VAPB: variants seen among roughly 807,000 people sequenced by gnomAD.
The protein encoded by VAPB is VAMP associated protein B and C.
In VAPB, 7 loss-of-function variants were observed where a neutral mutation model predicts 25.6. The observed-to-expected ratio is 0.27, with a 90% confidence interval of 0.16 to 0.51. The LOEUF (loss-of-function observed/expected upper bound fraction) is 0.51, where lower values mean the gene tolerates loss of function less well. Among genes scored for constraint, VAPB ranks in the 20% least tolerant of loss-of-function variants. The pLI is 0.97. For synonymous variants in VAPB, 112 were observed against 109.2 expected, an observed-to-expected ratio of 1.03 and a Z score of -0.16; for missense variants, 266 against 301.3, an observed-to-expected ratio of 0.88 and a Z score of 0.87.
At chr20:58,393,204 AT>A (rs1568695693) in intron 1 of VAPB, among the ~76,000 whole-genome samples, 4 of 151,866 alleles carry the variant, frequency 2.6e-5, no homozygotes, top group Admixed American at 2.6e-4. Flanking sequence ...TAATTTTTAA[AT>A]TTTTTTGTAA....
intron 2 of VAPB, among the ~76,000 whole-genome samples, chr20:58,424,847 A>G (rs1988752160): frequency 1.3e-5 from 2 of 152,246 alleles, no homozygotes; most frequent in Admixed American, 6.5e-5. Context: ...AAAATCCTGT[A>G]GAGAACACAA....
At position 58,450,728 on chromosome 20, in the gene VAPB, T is replaced by TC. The variant is rs1425986299; in HGVS notation, c.*6493_*6494insC. ...TTATAGTCTTCAATGTATGTTAACA[T>TC]GTTAGGAACTGAGTATCTTAAGAGA... On this transcript the variant is annotated 3_prime_UTR_variant, in exon 6 of 6. Transcript: ENST00000475243. 2.2e-6 allele frequency: 1 copy of TC among 453,834 alleles called. No homozygotes were observed. Among genetic ancestry groups the TC allele is most frequent in the East Asian group, 6.9e-5 (1 of 14,400 alleles). 28.1% of individuals were successfully genotyped at this position (453,834 alleles called of 1,614,324 possible).
In VAPB at chr20:58,448,059, A is replaced by G. The variant is rs549976269; in HGVS notation, c.*3824A>G. On this transcript the variant is annotated 3_prime_UTR_variant, in exon 6 of 6. Transcript: ENST00000475243. Reference sequence around the variant, plus strand: ...GAAGGAGAAAGAACCAAACTGAACTATGAAAAGTTACCACTCTGAGGAGAC... The same window carrying G: ...GAAGGAGAAAGAACCAAACTGAACTGTGAAAAGTTACCACTCTGAGGAGAC... The G allele has an allele frequency of 2.6e-5, 12 of 453,888 alleles. No individual in the cohort carries two copies. The highest frequency in any genetic ancestry group is 1.0e-4 in the African/African-American group (5 of 50,046). 28.1% of individuals were successfully genotyped at this position (453,888 alleles called of 1,614,324 possible). A position where few individuals can be genotyped will look rare whatever the true frequency, so the allele number is the denominator to read the frequency against.
chr20:58,435,493 G>A (rs1351272275), intron 3 of VAPB, among the ~76,000 whole-genome samples: 1 of 152,108 alleles, frequency 6.6e-6, no homozygotes, highest in Admixed American at 6.5e-5. Context: ...TCCAGTTTTG[G>A]CCCGCCCAAA....
intron 2 of VAPB, among the ~76,000 whole-genome samples, chr20:58,434,082 C>A (rs986313523): frequency 6.6e-6 from 1 of 152,012 alleles, no homozygotes; most frequent in East Asian, 1.9e-4. Flanking sequence ...GTGTGAGTGT[C>A]CTGATTGTAA....
intron 1 of VAPB, among the ~76,000 whole-genome samples, chr20:58,398,734 C>A (rs1988023495): frequency 6.6e-6 from 1 of 152,144 alleles, no homozygotes; most frequent in South Asian, 2.1e-4. Flanking sequence ...TTATTTAATT[C>A]TTAATGCAAG....
At chr20:58,389,572 A>G (rs1987733644) in intron 1 of VAPB, 55 bp downstream of exon 1, 1 of 1,514,238 alleles carries the variant, frequency 6.6e-7, no homozygotes. Flanking sequence ...CAGTGCTGGA[A>G]GGACGGAGCC....
At chr20:58,439,228 A>G (rs1365407583) in intron 4 of VAPB, 13 of 586,694 alleles carry the variant, frequency 2.2e-5, no homozygotes, top group African/African-American at 3.7e-5. Flanking sequence ...CAACTGATTG[A>G]CAGTGTTTCC....
In VAPB at chr20:58,449,683, T is replaced by C; in HGVS notation, c.*5448T>C. 2.2e-6 allele frequency: 1 copy of C among 454,124 alleles called. No individual in the cohort carries two copies. The highest frequency in any genetic ancestry group is 1.6e-5 in the South Asian group (1 of 64,478). 28.1% of individuals were successfully genotyped at this position (454,124 alleles called of 1,614,324 possible). On this transcript the variant is annotated 3_prime_UTR_variant, in exon 6 of 6. Coordinates refer to ENST00000475243, the MANE Select transcript of VAPB (RefSeq NM_004738.5). ...CTAGATAAATGCTGATGTTTATTTT[T>C]AAACCAGGAAACATTGATCCTGTAA...
intron 2 of VAPB, among the ~76,000 whole-genome samples, chr20:58,429,451 T>C (rs916974431): frequency 6.6e-6 from 1 of 152,192 alleles, no homozygotes; most frequent in Non-Finnish European, 1.5e-5. Context: ...GCCCATGAAA[T>C]GGTCCTTCCA....
intron 1 of VAPB, among the ~76,000 whole-genome samples, chr20:58,407,610 A>G (rs1025907775): frequency 6.6e-5 from 10 of 152,010 alleles, no homozygotes; most frequent in Non-Finnish European, 1.0e-4. Context: ...CTAATAATTT[A>G]TGGCATGTCT....
chr20:58,429,683 G>C (rs1450482112), intron 2 of VAPB, among the ~76,000 whole-genome samples: 1 of 152,238 alleles, frequency 6.6e-6, no homozygotes, highest in Admixed American at 6.5e-5. Flanking sequence ...ATTTTCACCT[G>C]AGGGCCAGGT....
In VAPB at chr20:58,450,715, A is replaced by G; in HGVS notation, c.*6480A>G. The G allele has an allele frequency of 4.4e-6, 2 of 453,878 alleles. No individual in the cohort carries two copies. Among genetic ancestry groups the G allele is most frequent in the Non-Finnish European group, 8.8e-6 (2 of 226,684 alleles). The allele number at this position is 453,878 out of a possible 1,614,324, so 28.1% of individuals were successfully genotyped here. ...CTGATGTGTGTGTTTATAGTCTTCA[A>G]TGTATGTTAACATGTTAGGAACTGA... On this transcript the variant is annotated 3_prime_UTR_variant, in exon 6 of 6. Transcript: ENST00000475243.
chr20:58,423,414 CAAA>C (rs59133081), intron 2 of VAPB, among the ~76,000 whole-genome samples: 26 of 34,752 alleles, frequency 7.5e-4, no homozygotes, highest in African/African-American at 2.4e-3. Flanking sequence ...CTCCATCTCA[CAAA>C]AAAAAAAAAA....
At position 58,444,549 on chromosome 20, in the gene VAPB, G is replaced by C. The variant is rs1469827093; in HGVS notation, c.*314G>C. On this transcript the variant is annotated 3_prime_UTR_variant, in exon 6 of 6. Transcript: ENST00000475243. ...GTCATTTTAAACATTGGTAGGCCTT[G>C]GTACATGATGCTGGATTACCTCTCT... is the stretch of plus-strand genomic sequence containing the variant. 5 of 490,920 alleles carry C rather than the reference G, an allele frequency of 1.0e-5. No individual in the cohort carries two copies. The highest frequency in any genetic ancestry group is 2.0e-5 in the Non-Finnish European group (5 of 251,262). 30.4% of individuals were successfully genotyped at this position (490,920 alleles called of 1,614,324 possible).
At chr20:58,443,473 A>G (rs1989207546) in intron 5 of VAPB, among the ~76,000 whole-genome samples, 1 of 147,800 alleles carries the variant, frequency 6.8e-6, no homozygotes, top group Non-Finnish European at 1.5e-5. Context: ...TTTAGTAGAG[A>G]CGAGGTTTTA....
In VAPB at chr20:58,401,403, T is replaced by C. The variant is rs141926472; in HGVS notation, c.58+11886T>C. Among the ~76,000 whole-genome samples, 8 of 152,286 alleles carry C rather than the reference T, an allele frequency of 5.3e-5. No individual in the cohort carries two copies. The East Asian group carries it at 1.5e-3, about 29-fold the overall frequency. ...CTGGAAAACATAGTTTCCTGTCTTT[T>C]TTCTTTCTGTTCTTCACTTCTAGTC... On this transcript the variant is annotated intron_variant, in intron 1 of 5. Transcript: ENST00000475243.
intron 1 of VAPB, among the ~76,000 whole-genome samples, chr20:58,406,101 G>A (rs545462544): frequency 2.0e-5 from 3 of 152,164 alleles, no homozygotes; most frequent in African/African-American, 4.8e-5. Flanking sequence ...CAAGAGTGCC[G>A]TTTGGACATG....
intron 2 of VAPB, among the ~76,000 whole-genome samples, chr20:58,434,064 T>C (rs1216151638): frequency 6.6e-6 from 1 of 152,220 alleles, no homozygotes; most frequent in Non-Finnish European, 1.5e-5. Context: ...GATACCGTTT[T>C]CCCTGCTGTG....
Sources: allele counts gnomAD v4.1 joint callset (sites outside exome capture counted in the v4.1 genomes callset), GRCh38; gene constraint gnomAD v4.1.1; transcripts MANE v1.5; gene names NCBI Gene and HGNC (gene_info 2026-07-23, HGNC 2026-07-21).